Variants in RYR1 observed in about 807,000 individuals in gnomAD.
RYR1 encodes the protein ryanodine receptor 1.
A neutral mutation model predicts 583.5 loss-of-function variants in RYR1; 342 were observed. That is an observed-to-expected ratio of 0.59 (90% CI 0.54 to 0.64). The LOEUF is 0.64. Among genes scored for constraint, RYR1 ranks in the 30% least tolerant of loss-of-function variants. The pLI is 0.00. For synonymous variants in RYR1, 2,791 were observed against 2,822.5 expected (o/e 0.99, Z 0.35); for missense variants, 6,032 against 6,917.2 (o/e 0.87, Z 4.54).
At chr19:38,542,324 A>G (rs1046378860) in intron 84 of RYR1, among the ~76,000 whole-genome samples, 2 of 152,134 alleles carry the variant, frequency 1.3e-5, no homozygotes, top group Non-Finnish European at 2.9e-5. Flanking sequence ...GGATAAATGC[A>G]TGAATATCCC....
chr19:38,547,809 G>A (rs1972498771), intron 88 of RYR1, among the ~76,000 whole-genome samples: 2 of 151,692 alleles, frequency 1.3e-5, no homozygotes, highest in African/African-American at 4.8e-5. Flanking sequence ...CGCCTCCCAG[G>A]TTCAAGCAAT....
chr19:38,565,292 C>T lies in RYR1; in HGVS notation c.12958C>T (p.Leu4320=). 1 of 1,030,182 alleles carries T rather than the reference C, an allele frequency of 9.7e-7. No individual in the cohort carries two copies. The allele number at this position is 1,030,182 out of a possible 1,614,324, so 63.8% of individuals were successfully genotyped here. ...CAGCCTGCGGCGGCGCGTGCGGCGG[C>T]TGCGGCGGCTTACGGCCCGCGAGGC... ...YRSLRRRVRR[L]RRLTAREAAT... is the part of the protein sequence containing the mutation. Residue 4320 remains leucine (L), a synonymous_variant, in exon 91 of 106, where the codon CTG becomes TTG. Coordinates refer to ENST00000359596, the MANE Select transcript of RYR1 (RefSeq NM_000540.3). The surrounding 1 kb of genome is among the most constrained non-coding windows in gnomAD (Gnocchi z 4.7).
chr19:38,489,727 C>T (rs1428400067), intron 35 of RYR1, among the ~76,000 whole-genome samples: 3 of 152,200 alleles, frequency 2.0e-5, no homozygotes, highest in Non-Finnish European at 2.9e-5. Context: ...CTCCCGGGTT[C>T]AAGCAATTCT....
chr19:38,585,369 G>GATAGATATATATAT (rs1890244817), intron 102 of RYR1, among the ~76,000 whole-genome samples: 2 of 141,066 alleles, frequency 1.4e-5, no homozygotes, highest in African/African-American at 5.2e-5. Context: ...AAAGGCCTGA[G>GATAGATATATATAT]ATATATATAT....
intron 18 of RYR1, 94 bp downstream of exon 18, chr19:38,458,386 G>A (rs956846418): frequency 7.5e-7 from 1 of 1,331,860 alleles, no homozygotes. Context: ...TCAGGATCCT[G>A]ACTCCCTGAA....
At chr19:38,525,306 T>C (rs1971417817) in intron 70 of RYR1, 26 bp from the exon 71 acceptor site, 1 of 1,606,506 alleles carries the variant, frequency 6.2e-7, no homozygotes, top group African/African-American at 1.3e-5. Context: ...GGGCTTGGGC[T>C]GGTGCTGAGC....
intron 28 of RYR1, 38 bp downstream of exon 28, chr19:38,473,809 G>A: frequency 1.4e-6 from 2 of 1,442,186 alleles, no homozygotes; most frequent in South Asian, 1.4e-5. Context: ...ATTGGGGGCT[G>A]CCTTGGGACC....
intron 92 of RYR1, 26 bp downstream of exon 92, chr19:38,567,013 C>G (rs200710291): frequency 6.4e-7 from 1 of 1,564,970 alleles, no homozygotes; most frequent in East Asian, 2.4e-5. Flanking sequence ...GCTGAGGGGC[C>G]TAGCCCCTAT....
rs370757215 is a variant in RYR1, at chr19:38,469,242, C to T, written c.3557-63C>T. 3.7e-6 allele frequency: 6 copies of T among 1,605,482 alleles called. No homozygotes were observed. The Admixed American group carries it at 8.3e-5, about 22-fold the overall frequency. Reference sequence around the variant, plus strand: ...CCAACTCTCCCATCCCTACCTCCTCCCCTCGGCTCCCTCTGCCCTGCCCAC... The same window carrying T: ...CCAACTCTCCCATCCCTACCTCCTCTCCTCGGCTCCCTCTGCCCTGCCCAC... On this transcript the variant is annotated intron_variant, in intron 26 of 105. Transcript: ENST00000359596.
chr19:38,462,698 GA>G (rs1365501185), intron 20 of RYR1, among the ~76,000 whole-genome samples: 6 of 152,106 alleles, frequency 3.9e-5, no homozygotes, highest in African/African-American at 1.4e-4. Flanking sequence ...TACGGAGAAG[GA>G]AGGAGACTCC....
At chr19:38,522,104 G>A (rs1199321179) in intron 67 of RYR1, among the ~76,000 whole-genome samples, 1 of 152,118 alleles carries the variant, frequency 6.6e-6, no homozygotes, top group East Asian at 1.9e-4. Flanking sequence ...GGCCATGATA[G>A]TACTTCCAGG....
chr19:38,573,693 C>CA (rs75549330), intron 96 of RYR1, among the ~76,000 whole-genome samples: 2,286 of 129,584 alleles, frequency 0.018, 54 homozygotes, highest in African/African-American at 0.054. Flanking sequence ...TCCCCCCAGA[C>CA]AAAAAAAAAA....
Position 38,483,360 on chromosome 19 carries a change from G to A in RYR1, c.4778G>A (p.Arg1593Gln), listed in dbSNP as rs1282677491. ...RKNPAPQCPP[R>Q]LEMQMLMPVS... ...AACCCGGCCCCGCAGTGCCCACCGC[G>A]GCTGGAGATGCAGATGCTGATGCCA... is the stretch of plus-strand genomic sequence containing the variant. The change falls in exon 33 of 106, where the codon CGG (arginine) becomes CAG (glutamine). Residue 1593 changes from arginine to glutamine, a missense_variant. Physicochemically the swap from Arg to Gln is conservative, Grantham distance 43. Transcript: ENST00000359596. This position sits in a 1 kb window ranked among gnomAD's most constrained non-coding sequence, Gnocchi z 6.3. 8 of 1,562,266 alleles carry A rather than the reference G, an allele frequency of 5.1e-6. No individual in the cohort carries two copies. Among genetic ancestry groups the A allele is most frequent in the East Asian group, 2.4e-5 (1 of 42,330 alleles).
intron 102 of RYR1, among the ~76,000 whole-genome samples, chr19:38,585,491 T>C (rs935474450): frequency 6.7e-6 from 1 of 149,904 alleles, no homozygotes; most frequent in Non-Finnish European, 1.5e-5. Flanking sequence ...ATTTTTTTTT[T>C]GAGAGGGAGT....
chr19:38,515,577 T>G (rs984674269), intron 64 of RYR1, among the ~76,000 whole-genome samples: 1 of 152,160 alleles, frequency 6.6e-6, no homozygotes, highest in Non-Finnish European at 1.5e-5. Context: ...GAAGATCACT[T>G]GAGCTCAGGA....
chr19:38,504,660 C>A, intron 50 of RYR1, 88 bp from the exon 51 acceptor site: 2 of 1,546,246 alleles, frequency 1.3e-6, no homozygotes, highest in Non-Finnish European at 8.9e-7. Context: ...GGGAGGAGGG[C>A]TGATGATTGC....
At chr19:38,463,283 TG>T (rs1485976367) in intron 20 of RYR1, 139 bp from the exon 21 acceptor site, 1 of 702,614 alleles carries the variant, frequency 1.4e-6, no homozygotes, top group African/African-American at 1.8e-5. Context: ...AGGCGAGGGA[TG>T]GGGAGCAGGG....
chr19:38,518,418 A>G (rs1046751719), intron 66 of RYR1, among the ~76,000 whole-genome samples: 17 of 151,580 alleles, frequency 1.1e-4, no homozygotes, highest in Middle Eastern at 3.4e-3. Flanking sequence ...AAAAAAAAAA[A>G]AAAAAGAAAT....
chr19:38,586,450 C>T (rs1382350756), intron 104 of RYR1, 75 bp from the exon 105 acceptor site: 2 of 1,464,016 alleles, frequency 1.4e-6, no homozygotes, highest in African/African-American at 2.8e-5. Context: ...GCAAGACTTC[C>T]TCTCTACTAT....
Sources: gnomAD v4.1 joint callset for allele counts (sites outside exome capture counted in the v4.1 genomes callset) on GRCh38, gnomAD v4.1.1 for gene constraint, Gnocchi (gnomAD v3.1) non-coding constraint, MANE v1.5 for transcripts, NCBI Gene and HGNC (gene_info 2026-07-23, HGNC 2026-07-21) for gene names.